CDKL5: variants seen among roughly 807,000 people sequenced by gnomAD.
CDKL5 encodes cyclin dependent kinase like 5.
A neutral mutation model predicts 61.7 loss-of-function variants in CDKL5; 8 were observed. The ratio of observed to expected loss-of-function variants is 0.13; its 90% CI spans 0.08 to 0.23. The LOEUF (loss-of-function observed/expected upper bound fraction) is 0.23. Ranked by LOEUF, CDKL5 falls within the 10% of genes least tolerant of loss-of-function variation. The probability of loss-of-function intolerance (pLI) is 1.00; values close to 1 mark genes in which losing one functional copy is unlikely to be tolerated. For synonymous variants in CDKL5, 275 were observed against 272.3 expected (o/e 1.01, Z -0.10); for missense variants, 440 against 734.5 (o/e 0.60, Z 4.63).
At chrX:18,565,665 A>G (rs1924945760) in intron 4 of CDKL5, among the ~76,000 whole-genome samples, 1 of 112,320 alleles carries the variant, frequency 8.9e-6, no homozygotes, top group South Asian at 3.6e-4. Context: ...TTAAATAACA[A>G]AAAGGGACTT....
chrX:18,643,673 C>T (rs539238962), downstream of CDKL5, among the ~76,000 whole-genome samples: 1 of 111,989 alleles, frequency 8.9e-6, no homozygotes, highest in Non-Finnish European at 1.9e-5. Context: ...AAATTGTCAT[C>T]AGAGACTTAC....
At chrX:18,625,791 C>A (rs1927023366) in intron 17 of CDKL5, among the ~76,000 whole-genome samples, 1 of 111,658 alleles carries the variant, frequency 9.0e-6, no homozygotes, top group African/African-American at 3.3e-5. Context: ...ATTTATCTTC[C>A]GTAATGGAGG....
intron 1 of CDKL5, among the ~76,000 whole-genome samples, chrX:18,477,719 T>C: frequency 8.9e-6 from 1 of 111,874 alleles, no homozygotes; most frequent in Non-Finnish European, 1.9e-5. Context: ...GTTCCTTCCA[T>C]GTAGCTCTAT....
At chrX:18,504,932 CAA>C (rs1287470678) in intron 1 of CDKL5, among the ~76,000 whole-genome samples, 5 of 41,206 alleles carry the variant, frequency 1.2e-4, no homozygotes, top group Non-Finnish European at 9.5e-5. Context: ...AACTCCGTCT[CAA>C]AAAAAAAAAA....
intron 11 of CDKL5, 119 bp from the exon 12 acceptor site, chrX:18,603,783 A>C (rs906776094): frequency 4.8e-5 from 42 of 872,659 alleles, no homozygotes; most frequent in South Asian, 2.3e-4. Context: ...CACATGCTTG[A>C]GAGAATTAAT....
chrX:18,564,437 A>C, intron 3 of CDKL5, 40 bp from the exon 4 acceptor site: 4 of 1,065,431 alleles, frequency 3.8e-6, no homozygotes, highest in Non-Finnish European at 5.2e-6. Context: ...TCGGAAAAAC[A>C]CTGGAGAATG....
At position 18,605,016 on chromosome X, in the gene CDKL5, A is replaced by T. The variant is rs1412026534; in HGVS notation, c.1944+148A>T. ...CATTTAGGGAAGCAATACTTGGCCT[A>T]ATCTCTGTTTTTTTGTTTTTTGTTT... On this transcript the variant is annotated intron_variant, in intron 12 of 17. Transcript: ENST00000623535. 1.6e-5 allele frequency: 11 copies of T among 680,480 alleles called. No homozygotes were observed. The African/African-American group carries it at 2.4e-4, about 15-fold the overall frequency. The allele number at this position is 680,480 out of a possible 1,213,427, so 56.1% of individuals were successfully genotyped here.
At chrX:18,583,590 A>C (rs1361360746) in intron 7 of CDKL5, among the ~76,000 whole-genome samples, 4 of 111,571 alleles carry the variant, frequency 3.6e-5, no homozygotes, top group Non-Finnish European at 7.5e-5. Flanking sequence ...CAGTGAACCT[A>C]TGTTGTGTTT....
At chrX:18,645,435 C>A (rs1927734223) in intron 19 of CDKL5, among the ~76,000 whole-genome samples, 1 of 110,272 alleles carries the variant, frequency 9.1e-6, no homozygotes, top group African/African-American at 3.3e-5. Flanking sequence ...CCCCTAAGTG[C>A]CCCCACCCCA....
At chrX:18,542,715 A>G (rs1276832043) in intron 3 of CDKL5, among the ~76,000 whole-genome samples, 1 of 100,938 alleles carries the variant, frequency 9.9e-6, no homozygotes, top group Admixed American at 1.1e-4. Context: ...TCTGGATCCT[A>G]TTTAATGTGT....
intron 1 of CDKL5, among the ~76,000 whole-genome samples, chrX:18,425,997 G>A (rs1165722687): frequency 8.9e-6 from 1 of 111,956 alleles, no homozygotes; most frequent in Non-Finnish European, 1.9e-5. Flanking sequence ...AGCCCGCCCC[G>A]CGGGGTTCCC....
rs947942943 is a variant in CDKL5, at chrX:18,652,560, T to C, written c.2981-872T>C. ...GGTTGGCACCTGTAATCCCAGCTAC[T>C]TGGGAGGCTGAAACAGGAGAATCGC... is the stretch of plus-strand genomic sequence containing the variant. On this transcript the variant is annotated intron_variant, in intron 21 of 21. Transcript: ENST00000379989. 5.6e-4 allele frequency among the ~76,000 whole-genome samples: 62 copies of C among 111,495 alleles called. 1 individual carries two copies. The highest frequency in any genetic ancestry group is 6.6e-4 in the Non-Finnish European group (35 of 53,072).
chrX:18,450,046 G>A (rs1214292129), intron 1 of CDKL5, among the ~76,000 whole-genome samples: 2 of 112,222 alleles, frequency 1.8e-5, no homozygotes, highest in East Asian at 5.6e-4. Context: ...GCCCGCCTCG[G>A]CCTCCCAAAG....
chrX:18,573,965 T>C (rs1925214178), intron 4 of CDKL5, among the ~76,000 whole-genome samples: 1 of 111,697 alleles, frequency 9.0e-6, no homozygotes, highest in South Asian at 3.7e-4. Context: ...GCATTTAGAA[T>C]CTTCCCTCTC....
intron 1 of CDKL5, among the ~76,000 whole-genome samples, chrX:18,484,606 C>G (rs934061498): frequency 1.8e-5 from 2 of 111,440 alleles, no homozygotes; most frequent in Non-Finnish European, 3.8e-5. Context: ...GCATGAGCCA[C>G]CACCACTCCT....
chrX:18,533,913 T>G (rs1232696984), intron 3 of CDKL5, among the ~76,000 whole-genome samples: 1 of 111,841 alleles, frequency 8.9e-6, no homozygotes, highest in African/African-American at 3.3e-5. Flanking sequence ...TGATCCAGTT[T>G]CCTCCAACCC....
chrX:18,546,808 TGTG>T (rs1191008764), intron 3 of CDKL5, among the ~76,000 whole-genome samples: 2 of 111,068 alleles, frequency 1.8e-5, no homozygotes, highest in African/African-American at 6.6e-5. Flanking sequence ...CCAGTGCAGT[TGTG>T]GTGAGTGGTT....
rs767416919 is a variant in CDKL5 at position 18,628,461 on chromosome X, A to G, written c.2587A>G (p.Thr863Ala). The change falls in exon 18 of 18, where the codon ACA (threonine) becomes GCA (alanine). Residue 863 changes from threonine to alanine, a missense_variant. This residue lies in a region of CDKL5 where 363 missense variants were observed against 516.3 expected (regional missense o/e 0.70). Transcript: ENST00000623535. ...ASSDPRFQPL[T>A]AQQTKNSFSE... is the part of the protein sequence containing the mutation. ...CTCAGATCCCCGCTTCCAGCCCTTA[A>G]CAGCTCAACAAACCAAAAATTCCTT... 1.7e-6 allele frequency: 2 copies of G among 1,211,770 alleles called. No homozygotes were observed. Among genetic ancestry groups the G allele is most frequent in the East Asian group, 5.9e-5 (2 of 33,833 alleles).
intron 1 of CDKL5, among the ~76,000 whole-genome samples, chrX:18,462,349 G>A (rs1932308963): frequency 9.0e-6 from 1 of 111,246 alleles, no homozygotes; most frequent in African/African-American, 3.3e-5. Flanking sequence ...TCAGAGTGTG[G>A]TCCCCAGACC....
Sources: gnomAD v4.1 joint callset for allele counts (sites outside exome capture counted in the v4.1 genomes callset) on GRCh38, gnomAD v4.1.1 for gene constraint, gnomAD v4.1.1 regional missense constraint, MANE v1.5 for transcripts, NCBI Gene and HGNC (gene_info 2026-07-23, HGNC 2026-07-21) for gene names.